Variants in RASGRP1 observed in about 807,000 individuals in gnomAD.
The protein encoded by RASGRP1 is RAS guanyl releasing protein 1.
Under a neutral mutation model 95.1 loss-of-function variants are expected in RASGRP1, and 37 were observed. That is an observed-to-expected ratio of 0.39 (90% confidence interval 0.30 to 0.51). RASGRP1 has a LOEUF of 0.51. Among genes scored for constraint, RASGRP1 ranks in the 20% least tolerant of loss-of-function variants. The pLI is 0.80. For missense variants in RASGRP1, 711 were observed against 965.4 expected (o/e 0.74, Z 3.49); for synonymous variants, 325 against 353.4 (o/e 0.92, Z 0.90).
At chr15:38,554,293 C>A (rs1251251352) in intron 2 of RASGRP1, among the ~76,000 whole-genome samples, 1 of 152,140 alleles carries the variant, frequency 6.6e-6, no homozygotes, top group Non-Finnish European at 1.5e-5. Context: ...AAAATAACAA[C>A]CACCTCATAG....
intron 2 of RASGRP1, among the ~76,000 whole-genome samples, chr15:38,530,093 C>A (rs1892379844): frequency 6.6e-6 from 1 of 152,182 alleles, no homozygotes; most frequent in Admixed American, 6.6e-5. Context: ...AAACTCAGTG[C>A]CTTAAAACAG....
At chr15:38,503,728 A>G in intron 10 of RASGRP1, 1 of 229,884 alleles carries the variant, frequency 4.4e-6, no homozygotes, top group Middle Eastern at 1.5e-3. Flanking sequence ...CTCCAGTCAC[A>G]TTTTGCAGTA....
intron 4 of RASGRP1, among the ~76,000 whole-genome samples, chr15:38,518,856 T>C (rs1042971927): frequency 2.0e-5 from 3 of 152,160 alleles, no homozygotes; most frequent in Non-Finnish European, 4.4e-5. Context: ...TCTCATGCTA[T>C]AAAGCTAAGT....
At chr15:38,527,404 C>T (rs1260087653) in intron 2 of RASGRP1, among the ~76,000 whole-genome samples, 1 of 152,188 alleles carries the variant, frequency 6.6e-6, no homozygotes, top group African/African-American at 2.4e-5. Flanking sequence ...TTGGTCCTCC[C>T]TTCATGGCAC....
intron 2 of RASGRP1, among the ~76,000 whole-genome samples, chr15:38,550,242 C>CAAAAAAAAAAAAAA (rs56383365): frequency 1.1e-5 from 1 of 89,030 alleles, no homozygotes; most frequent in Admixed American, 1.2e-4. Context: ...ACTCTGTCGC[C>CAAAAAAAAAAAAAA]AAAAAAAAAA....
intron 2 of RASGRP1, among the ~76,000 whole-genome samples, chr15:38,544,952 T>C (rs1893051900): frequency 6.6e-6 from 1 of 152,244 alleles, no homozygotes; most frequent in Non-Finnish European, 1.5e-5. Flanking sequence ...AGCAGGAAAA[T>C]AATTCTAATA....
intron 1 of RASGRP1, 75 bp downstream of exon 1, chr15:38,564,519 T>TG (rs1474578115): frequency 8.0e-7 from 1 of 1,256,628 alleles, no homozygotes; most frequent in Non-Finnish European, 1.0e-6. Flanking sequence ...CTCGGGGTGT[T>TG]GGGGCGACGG....
rs552125558 is a variant in RASGRP1, at chr15:38,538,504, T to C, written c.221-12100A>G. 5.9e-5 allele frequency among the ~76,000 whole-genome samples: 9 copies of C among 152,336 alleles called. No homozygotes were observed. In the East Asian group the frequency reaches 1.4e-3, roughly 23 times the overall value. On this transcript the variant is annotated intron_variant, in intron 2 of 16. Coordinates refer to ENST00000310803, the MANE Select transcript of RASGRP1 (RefSeq NM_005739.4). ...AGCCACCCCCGTCTTCTCTTTTTGC[T>C]AACATACTTGGAGCACTTCCTGTGT... is the stretch of plus-strand genomic sequence containing the variant.
intron 8 of RASGRP1, among the ~76,000 whole-genome samples, chr15:38,510,777 T>C (rs1391633147): frequency 3.9e-5 from 6 of 152,134 alleles, no homozygotes; most frequent in Non-Finnish European, 7.4e-5. Context: ...CTGGACAACA[T>C]AGGGAGACCC....
intron 2 of RASGRP1, among the ~76,000 whole-genome samples, chr15:38,539,077 A>T (rs934958700): frequency 2.0e-5 from 3 of 152,194 alleles, no homozygotes; most frequent in African/African-American, 7.2e-5. Context: ...GAGGAAACAG[A>T]GAGTAAGGTG....
intron 2 of RASGRP1, among the ~76,000 whole-genome samples, chr15:38,528,059 C>T (rs1892297155): frequency 6.6e-6 from 1 of 152,174 alleles, no homozygotes; most frequent in Non-Finnish European, 1.5e-5. Context: ...CACTGGTACT[C>T]TGTTGCCCTT....
At chr15:38,523,234 A>G (rs1362767065) in intron 3 of RASGRP1, among the ~76,000 whole-genome samples, 1 of 152,220 alleles carries the variant, frequency 6.6e-6, no homozygotes, top group African/African-American at 2.4e-5. Flanking sequence ...CGGACCACAT[A>G]TATGACAGTG....
At chr15:38,511,363 A>T (rs973057201) in intron 8 of RASGRP1, among the ~76,000 whole-genome samples, 4 of 152,166 alleles carry the variant, frequency 2.6e-5, no homozygotes, top group Admixed American at 6.5e-5. Context: ...CATTGTTTCA[A>T]CTGGTCCAGC....
chr15:38,522,237 ATC>A (rs976553014), intron 3 of RASGRP1, among the ~76,000 whole-genome samples: 2 of 152,216 alleles, frequency 1.3e-5, no homozygotes, highest in African/African-American at 4.8e-5. Context: ...ACAAAAATAT[ATC>A]TTTCTTAATT....
At chr15:38,501,547 C>T in intron 12 of RASGRP1, 1 of 594,606 alleles carries the variant, frequency 1.7e-6, no homozygotes, top group Non-Finnish European at 3.1e-6. Context: ...AACTTGACCA[C>T]TATCTATAAG....
At chr15:38,560,210 T>C (rs1893749856) in intron 1 of RASGRP1, 1 of 586,210 alleles carries the variant, frequency 1.7e-6, no homozygotes, top group East Asian at 2.9e-5. Context: ...ATTTCAGGGT[T>C]GCAACTAGTG....
At chr15:38,502,259 C>T in intron 12 of RASGRP1, 53 bp downstream of exon 12, 5 of 1,297,856 alleles carry the variant, frequency 3.9e-6, no homozygotes, top group Non-Finnish European at 5.5e-6. Context: ...TACCTATAAA[C>T]CTATTCTCAC....
At chr15:38,563,543 G>A (rs1255560115) in intron 1 of RASGRP1, among the ~76,000 whole-genome samples, 1 of 152,166 alleles carries the variant, frequency 6.6e-6, no homozygotes, top group Non-Finnish European at 1.5e-5. Context: ...TGGAGCAAGG[G>A]AACTGGAACT....
At chr15:38,547,245 A>G (rs1216167187) in intron 2 of RASGRP1, among the ~76,000 whole-genome samples, 1 of 152,176 alleles carries the variant, frequency 6.6e-6, no homozygotes, top group Non-Finnish European at 1.5e-5. Context: ...TCCCACACAC[A>G]TACTCTCAGA....
Sources: gnomAD v4.1 joint callset for allele counts (sites outside exome capture counted in the v4.1 genomes callset) on GRCh38, gnomAD v4.1.1 for gene constraint, MANE v1.5 for transcripts, NCBI Gene and HGNC (gene_info 2026-07-23, HGNC 2026-07-21) for gene names.